ARHGAP28: variants seen among roughly 807,000 people sequenced by gnomAD.
ARHGAP28 encodes rho GTPase-activating protein 28.
A neutral mutation model predicts 90.7 loss-of-function variants in ARHGAP28; 56 were observed. That is an observed-to-expected ratio of 0.62 (90% CI 0.50 to 0.77). The LOEUF (loss-of-function observed/expected upper bound fraction) is 0.77, where lower values mean the gene tolerates loss of function less well. Among genes scored for constraint, ARHGAP28 ranks in the 30% least tolerant of loss-of-function variants. The probability of loss-of-function intolerance (pLI) is 0.00; values close to 1 mark genes in which losing one functional copy is unlikely to be tolerated. For synonymous variants in ARHGAP28, 308 were observed against 323.3 expected, an observed-to-expected ratio of 0.95 and a Z score of 0.51; for missense variants, 869 against 900.9, an observed-to-expected ratio of 0.96 and a Z score of 0.45.
chr18:6,805,778 C>T (rs1600201538), intron 1 of ARHGAP28, among the ~76,000 whole-genome samples: 2 of 152,180 alleles, frequency 1.3e-5, no homozygotes, highest in South Asian at 4.1e-4. Context: ...AGCCACCATG[C>T]CTGGCTACCT....
intron 1 of ARHGAP28, among the ~76,000 whole-genome samples, chr18:6,783,411 C>T (rs1333394445): frequency 6.6e-6 from 1 of 151,494 alleles, no homozygotes; most frequent in Non-Finnish European, 1.5e-5. Context: ...AAGCGATTTT[C>T]CTGCCTCAGC....
At chr18:6,802,054 C>T (rs754761199) in intron 1 of ARHGAP28, among the ~76,000 whole-genome samples, 1 of 152,136 alleles carries the variant, frequency 6.6e-6, no homozygotes, top group African/African-American at 2.4e-5. Flanking sequence ...ATAATGACGT[C>T]CAGTTCCATC....
chr18:6,880,324 A>G (rs971999839), intron 10 of ARHGAP28, among the ~76,000 whole-genome samples: 1 of 151,862 alleles, frequency 6.6e-6, no homozygotes, highest in Non-Finnish European at 1.5e-5. Context: ...TCTCCTTTCT[A>G]TCCTACAACT....
At chr18:6,807,758 C>T (rs945624549) in intron 1 of ARHGAP28, among the ~76,000 whole-genome samples, 1 of 152,190 alleles carries the variant, frequency 6.6e-6, no homozygotes, top group African/African-American at 2.4e-5. Context: ...CGGGGCTCCT[C>T]TGAGGAGCTC....
At chr18:6,857,691 T>C (rs2056964633) in intron 4 of ARHGAP28, among the ~76,000 whole-genome samples, 1 of 152,268 alleles carries the variant, frequency 6.6e-6, no homozygotes, top group Admixed American at 6.5e-5. Flanking sequence ...GGATTCACCC[T>C]ACGCCTTCAC....
chr18:6,759,055 T>C (rs1033098624), intron 1 of ARHGAP28, among the ~76,000 whole-genome samples: 17 of 152,212 alleles, frequency 1.1e-4, no homozygotes, highest in African/African-American at 3.9e-4. Flanking sequence ...ATACTTAGTA[T>C]GTATGGAGTG....
intron 1 of ARHGAP28, among the ~76,000 whole-genome samples, chr18:6,809,477 T>G (rs2056541294): frequency 6.6e-6 from 1 of 152,082 alleles, no homozygotes; most frequent in Non-Finnish European, 1.5e-5. Context: ...AACCAGCCCA[T>G]GGTTCTGTGG....
At chr18:6,752,909 C>T (rs2056081098) in intron 1 of ARHGAP28, among the ~76,000 whole-genome samples, 1 of 150,690 alleles carries the variant, frequency 6.6e-6, no homozygotes, top group Non-Finnish European at 1.5e-5. Context: ...TGTTCATAAG[C>T]ATTTTATTTG....
At chr18:6,768,314 A>G (rs2056215851) in intron 1 of ARHGAP28, among the ~76,000 whole-genome samples, 1 of 151,848 alleles carries the variant, frequency 6.6e-6, no homozygotes, top group Non-Finnish European at 1.5e-5. Flanking sequence ...TTCTTTGCAT[A>G]TATGTAGTTT....
intron 1 of ARHGAP28, among the ~76,000 whole-genome samples, chr18:6,772,789 C>G (rs945968275): frequency 1.3e-5 from 2 of 151,768 alleles, no homozygotes; most frequent in African/African-American, 4.8e-5. Context: ...GGCTGGAGTG[C>G]AATGGCACGG....
Position 6,729,925 on chromosome 18 carries a change from C to G in ARHGAP28, c.104C>G (p.Ala35Gly). The G allele has an allele frequency of 3.6e-6, 5 of 1,395,524 alleles. No individual in the cohort carries two copies. Among genetic ancestry groups the G allele is most frequent in the Non-Finnish European group, 4.6e-6 (5 of 1,077,654 alleles). The allele number at this position is 1,395,524 out of a possible 1,614,324, so 86.4% of individuals were successfully genotyped here. Residue 35 changes from alanine to glycine, a missense_variant, in exon 1 of 18, where the codon GCC becomes GGC. Coordinates refer to ENST00000383472, the MANE Select transcript of ARHGAP28 (RefSeq NM_001366230.1). ...AESRCAPRAAASHPLSRKSIP... is the reference protein window; with the variant it reads ...AESRCAPRAAGSHPLSRKSIP... ...TCGCGCTGCGCGCCCCGCGCCGCAG[C>G]CAGCCACCCGCTCAGCAGGTACCCG...
chr18:6,812,054 C>T (rs1437817901), intron 1 of ARHGAP28, among the ~76,000 whole-genome samples: 6 of 152,258 alleles, frequency 3.9e-5, no homozygotes, highest in Admixed American at 3.3e-4. Flanking sequence ...AAGAATGCAG[C>T]CTTGCTCCAA....
intron 2 of ARHGAP28, among the ~76,000 whole-genome samples, chr18:6,827,956 G>T (rs1478281917): frequency 6.6e-6 from 1 of 151,926 alleles, no homozygotes; most frequent in Non-Finnish European, 1.5e-5. Flanking sequence ...GGTGGCGGCC[G>T]GGCAGAGGCT....
intron 3 of ARHGAP28, among the ~76,000 whole-genome samples, chr18:6,848,823 CA>C (rs1419644903): frequency 5.9e-5 from 9 of 152,158 alleles, no homozygotes; most frequent in Admixed American, 2.0e-4. Context: ...TCAGGACATG[CA>C]AACAGAAGCA....
intron 2 of ARHGAP28, among the ~76,000 whole-genome samples, chr18:6,833,348 C>G (rs1305728615): frequency 6.6e-6 from 1 of 151,956 alleles, no homozygotes; most frequent in Admixed American, 6.6e-5. Context: ...GCTATCGTTT[C>G]TAGATTACCT....
chr18:6,739,695 T>A (rs2055958871), intron 1 of ARHGAP28, among the ~76,000 whole-genome samples: 1 of 150,714 alleles, frequency 6.6e-6, no homozygotes, highest in Non-Finnish European at 1.5e-5. Context: ...GAGGGCAGGT[T>A]TTAATCCTTT....
At chr18:6,891,446 G>A (rs1041265156) in intron 14 of ARHGAP28, among the ~76,000 whole-genome samples, 2 of 151,806 alleles carry the variant, frequency 1.3e-5, no homozygotes, top group African/African-American at 4.8e-5. Flanking sequence ...TGTATTTTTA[G>A]TAGAGACAGG....
chr18:6,795,906 C>T (rs552605488), intron 1 of ARHGAP28, among the ~76,000 whole-genome samples: 1 of 152,326 alleles, frequency 6.6e-6, no homozygotes, highest in Non-Finnish European at 1.5e-5. Context: ...AACATACAGC[C>T]AGGTAACATG....
chr18:6,733,267 T>C (rs1351072966), intron 1 of ARHGAP28, among the ~76,000 whole-genome samples: 3 of 152,144 alleles, frequency 2.0e-5, no homozygotes, highest in African/African-American at 7.2e-5. Flanking sequence ...AATTAATATG[T>C]TTATTTTTAA....
Sources: allele counts gnomAD v4.1 joint callset (sites outside exome capture counted in the v4.1 genomes callset), GRCh38; gene constraint gnomAD v4.1.1; transcripts MANE v1.5; gene names NCBI Gene and HGNC (gene_info 2026-07-23, HGNC 2026-07-21).